Variants in NMNAT2 observed in about 807,000 individuals in gnomAD.
The protein encoded by NMNAT2 is nicotinamide/nicotinic acid mononucleotide adenylyltransferase 2.
In NMNAT2, 11 loss-of-function variants were observed where a neutral mutation model predicts 41.6. The observed-to-expected ratio is 0.26, with a 90% CI of 0.17 to 0.44. The LOEUF (loss-of-function observed/expected upper bound fraction) is 0.44, where lower values mean the gene tolerates loss of function less well. Ranked by LOEUF, NMNAT2 falls within the 20% of genes least tolerant of loss-of-function variation. NMNAT2 has a pLI of 1.00. For synonymous variants in NMNAT2, 148 were observed against 151.2 expected, an observed-to-expected ratio of 0.98 and a Z score of 0.16; for missense variants, 288 against 407.7, an observed-to-expected ratio of 0.71 and a Z score of 2.53.
intron 1 of NMNAT2, among the ~76,000 whole-genome samples, chr1:183,337,230 T>G (rs907599909): frequency 5.3e-5 from 8 of 152,064 alleles, no homozygotes; most frequent in African/African-American, 1.9e-4. Flanking sequence ...GGAAAAAAGA[T>G]TTCTACAATA....
At chr1:183,287,543 C>T (rs1661430876) in intron 4 of NMNAT2, among the ~76,000 whole-genome samples, 1 of 152,216 alleles carries the variant, frequency 6.6e-6, no homozygotes, top group Non-Finnish European at 1.5e-5. Context: ...GGCTACTCCT[C>T]ACCAGTGCTG....
chr1:183,398,755 A>G (rs996863925), intron 1 of NMNAT2, among the ~76,000 whole-genome samples: 1 of 152,150 alleles, frequency 6.6e-6, no homozygotes, highest in Non-Finnish European at 1.5e-5. Context: ...GGATTAAGAA[A>G]CTCACTCAAA....
intron 1 of NMNAT2, 45 bp downstream of exon 1, chr1:183,418,138 G>T: frequency 6.4e-7 from 1 of 1,552,318 alleles, no homozygotes; most frequent in Non-Finnish European, 8.9e-7. Flanking sequence ...GCCTGGGAAA[G>T]GAGAGGAGCG....
intron 1 of NMNAT2, among the ~76,000 whole-genome samples, chr1:183,388,212 A>G (rs1196820236): frequency 6.6e-6 from 1 of 152,226 alleles, no homozygotes; most frequent in Non-Finnish European, 1.5e-5. Context: ...CTTAGCGAGG[A>G]CTACTAGAGA....
At chr1:183,362,366 C>A (rs1434229099) in intron 1 of NMNAT2, among the ~76,000 whole-genome samples, 1 of 152,178 alleles carries the variant, frequency 6.6e-6, no homozygotes, top group Non-Finnish European at 1.5e-5. Flanking sequence ...AATTCTACAA[C>A]ATTTTCATCA....
chr1:183,331,082 G>A (rs1190524952), intron 1 of NMNAT2, among the ~76,000 whole-genome samples: 26 of 151,530 alleles, frequency 1.7e-4, no homozygotes, highest in Non-Finnish European at 1.3e-4. Flanking sequence ...TCAAGATCCA[G>A]GCTGATTTTC....
intron 1 of NMNAT2, among the ~76,000 whole-genome samples, chr1:183,331,218 T>C (rs1662576172): frequency 1.4e-5 from 2 of 141,646 alleles, no homozygotes; most frequent in African/African-American, 2.5e-5. Context: ...GCACTGGAAC[T>C]GGAAAGAGGG....
At chr1:183,355,876 T>G (rs528047145) in intron 1 of NMNAT2, among the ~76,000 whole-genome samples, 46 of 152,338 alleles carry the variant, frequency 3.0e-4, no homozygotes, top group Non-Finnish European at 5.7e-4. Flanking sequence ...CAGCCAGTGT[T>G]GTACCATTAT....
chr1:183,393,257 C>T (rs1648532370), intron 1 of NMNAT2, among the ~76,000 whole-genome samples: 1 of 152,120 alleles, frequency 6.6e-6, no homozygotes, highest in South Asian at 2.1e-4. Context: ...TTACAAAATT[C>T]TTTCTCTTAT....
intron 8 of NMNAT2, among the ~76,000 whole-genome samples, chr1:183,275,337 A>AT (rs1329797954): frequency 6.6e-6 from 1 of 152,052 alleles, no homozygotes; most frequent in African/African-American, 2.4e-5. Context: ...GCTTCTTGAA[A>AT]TTTTTCCCTG....
At chr1:183,340,753 C>T (rs527981944) in intron 1 of NMNAT2, among the ~76,000 whole-genome samples, 22 of 152,216 alleles carry the variant, frequency 1.4e-4, no homozygotes, top group Admixed American at 5.2e-4. Flanking sequence ...GCTGGGCTGA[C>T]GAAACATAAT....
At chr1:183,285,477 T>C (rs1399454491) in intron 5 of NMNAT2, among the ~76,000 whole-genome samples, 2 of 152,232 alleles carry the variant, frequency 1.3e-5, no homozygotes, top group East Asian at 3.8e-4. Context: ...ATTATCCCTC[T>C]GGGCTCCAAT....
intron 1 of NMNAT2, among the ~76,000 whole-genome samples, chr1:183,340,297 C>T (rs936179418): frequency 1.4e-4 from 21 of 150,990 alleles, no homozygotes; most frequent in Middle Eastern, 6.4e-3. Flanking sequence ...CCATTTGGAT[C>T]CTGGCACTGT....
intron 8 of NMNAT2, among the ~76,000 whole-genome samples, chr1:183,263,611 G>A (rs1030065171): frequency 7.9e-5 from 12 of 152,136 alleles, no homozygotes; most frequent in Admixed American, 3.9e-4. Flanking sequence ...GAGGTCAGGA[G>A]ATCGAGACCA....
intron 1 of NMNAT2, among the ~76,000 whole-genome samples, chr1:183,384,080 C>T (rs527559119): frequency 3.5e-4 from 53 of 152,254 alleles, no homozygotes; most frequent in Middle Eastern, 6.8e-3. Flanking sequence ...GTTCCACAGG[C>T]TGTATAGGAA....
intron 4 of NMNAT2, among the ~76,000 whole-genome samples, chr1:183,289,592 A>G (rs1056599374): frequency 6.6e-5 from 10 of 152,194 alleles, no homozygotes; most frequent in African/African-American, 2.4e-4. Context: ...ATCAGACACC[A>G]TCTGCCTGTG....
chr1:183,368,916 C>T lies in NMNAT2; in HGVS notation c.85+49267G>A, dbSNP rs186747516. 5.3e-5 allele frequency among the ~76,000 whole-genome samples: 8 copies of T among 152,328 alleles called. No homozygotes were observed. The East Asian group carries it at 1.2e-3, about 22-fold the overall frequency. Reference sequence around the variant, plus strand: ...TTAGCAAGCAGTGTTCCATTTATAACCTTGCTGCTCAACATGGGCAGGGAG... The same window carrying T: ...TTAGCAAGCAGTGTTCCATTTATAATCTTGCTGCTCAACATGGGCAGGGAG... On this transcript the variant is annotated intron_variant, in intron 1 of 10. Coordinates refer to ENST00000287713, the MANE Select transcript of NMNAT2 (RefSeq NM_015039.4).
At chr1:183,307,730 A>T (rs556666766) in intron 1 of NMNAT2, among the ~76,000 whole-genome samples, 130 of 152,284 alleles carry the variant, frequency 8.5e-4, no homozygotes, top group Non-Finnish European at 8.8e-5. Context: ...GGCGTGAGTC[A>T]TGCATTCAGC....
chr1:183,302,865 TC>T (rs1448908501), intron 1 of NMNAT2, among the ~76,000 whole-genome samples: 1 of 152,028 alleles, frequency 6.6e-6, no homozygotes, highest in Admixed American at 6.6e-5. Context: ...TTTTCCCCAC[TC>T]CCTCTGCCTT....
Sources: allele counts gnomAD v4.1 joint callset (sites outside exome capture counted in the v4.1 genomes callset), GRCh38; gene constraint gnomAD v4.1.1; transcripts MANE v1.5; gene names NCBI Gene and HGNC (gene_info 2026-07-23, HGNC 2026-07-21).